SEPTIN11: variants seen among roughly 807,000 people sequenced by gnomAD.
SEPTIN11 encodes septin-11.
A neutral mutation model predicts 51.4 loss-of-function variants in SEPTIN11; 25 were observed. The observed-to-expected ratio is 0.49, with a 90% CI of 0.35 to 0.68. SEPTIN11 has a LOEUF of 0.68. SEPTIN11 is among the 30% of genes least tolerant of loss of function. SEPTIN11 has a pLI of 0.00. For missense variants in SEPTIN11, 381 were observed against 520.8 expected, an observed-to-expected ratio of 0.73 and a Z score of 2.61; for synonymous variants, 174 against 184.1, an observed-to-expected ratio of 0.95 and a Z score of 0.44.
At chr4:76,983,506 G>A (rs1722873253) in intron 1 of SEPTIN11, among the ~76,000 whole-genome samples, 1 of 152,194 alleles carries the variant, frequency 6.6e-6, no homozygotes, top group Non-Finnish European at 1.5e-5. Flanking sequence ...TTTCAGCCGT[G>A]TGATAACCCA....
At chr4:77,018,021 A>T (rs568908317) in intron 5 of SEPTIN11, among the ~76,000 whole-genome samples, 1 of 152,260 alleles carries the variant, frequency 6.6e-6, no homozygotes, top group Non-Finnish European at 1.5e-5. Context: ...TGTGAGACAC[A>T]CAAGTATTTT....
intron 9 of SEPTIN11, among the ~76,000 whole-genome samples, chr4:77,033,899 G>T (rs927756494): frequency 6.6e-6 from 1 of 152,118 alleles, no homozygotes; most frequent in Non-Finnish European, 1.5e-5. Context: ...CGTGGGTTTG[G>T]CATTACTTTG....
rs573334739 is a variant in SEPTIN11 at position 77,037,233 on chromosome 4, G to A, written c.*2721G>A. 6.4e-4 allele frequency: 347 copies of A among 545,862 alleles called. No individual in the cohort carries two copies. Among genetic ancestry groups the A allele is most frequent in the South Asian group, 3.6e-3 (46 of 12,692 alleles). 33.8% of individuals were successfully genotyped at this position (545,862 alleles called of 1,614,324 possible). Reference sequence around the variant, plus strand: ...AAAAATTAGCCAGGCGTGGTGGCACGTGCCTGTAGTCCCAGCTACTTGGGA... The same window carrying A: ...AAAAATTAGCCAGGCGTGGTGGCACATGCCTGTAGTCCCAGCTACTTGGGA... On this transcript the variant is annotated 3_prime_UTR_variant, in exon 10 of 10. Transcript: ENST00000264893.
At chr4:77,025,228 T>C (rs1726032738) in intron 7 of SEPTIN11, among the ~76,000 whole-genome samples, 1 of 152,096 alleles carries the variant, frequency 6.6e-6, no homozygotes, top group Non-Finnish European at 1.5e-5. Flanking sequence ...TTTGAAGAAC[T>C]AAAAGTTGCA....
chr4:77,036,870 T>G lies in SEPTIN11; in HGVS notation c.*2358T>G. ...CGGTAGTAAGAAACCTTTGAGATCT[T>G]TCTGACTTTTCAAAATTAGAGAAAG... On this transcript the variant is annotated 3_prime_UTR_variant, in exon 10 of 10. Coordinates refer to ENST00000264893, the MANE Select transcript of SEPTIN11 (RefSeq NM_018243.4). 3.7e-5 allele frequency: 53 copies of G among 1,418,264 alleles called. No homozygotes were observed. The highest frequency in any genetic ancestry group is 4.8e-5 in the Non-Finnish European group (52 of 1,093,846). The allele number at this position is 1,418,264 out of a possible 1,614,324, so 87.9% of individuals were successfully genotyped here.
chr4:77,007,794 G>A (rs1204165550), intron 3 of SEPTIN11, among the ~76,000 whole-genome samples: 1 of 152,174 alleles, frequency 6.6e-6, no homozygotes, highest in Admixed American at 6.5e-5. Flanking sequence ...AGAAGGTATT[G>A]TTGACACTGT....
At chr4:76,976,185 A>G (rs1435410279) in intron 1 of SEPTIN11, among the ~76,000 whole-genome samples, 1 of 152,184 alleles carries the variant, frequency 6.6e-6, no homozygotes. Flanking sequence ...ACTTGAGGAA[A>G]CAGTAAATAC....
rs575678405 is a variant in SEPTIN11 at position 77,038,313 on chromosome 4, T to C, written c.*3801T>C. 1 of 985,674 alleles carries C rather than the reference T, an allele frequency of 1.0e-6. No homozygotes were observed. Among genetic ancestry groups the C allele is most frequent in the Admixed American group, 6.1e-5 (1 of 16,292 alleles). The allele number at this position is 985,674 out of a possible 1,614,324, so 61.1% of individuals were successfully genotyped here. ...TGCCTTAAACTGTAGTTGTAGATCC[T>C]TGTCATTTTGCTGTTTGAAAATAAC... On this transcript the variant is annotated 3_prime_UTR_variant, in exon 10 of 10. Coordinates refer to ENST00000264893, the MANE Select transcript of SEPTIN11 (RefSeq NM_018243.4).
intron 1 of SEPTIN11, among the ~76,000 whole-genome samples, chr4:76,981,414 A>G (rs1394779583): frequency 1.3e-5 from 2 of 152,202 alleles, no homozygotes; most frequent in African/African-American, 4.8e-5. Context: ...TCTTCTATCA[A>G]TAGGAGAACT....
chr4:77,012,010 T>A, intron 4 of SEPTIN11, 89 bp downstream of exon 4: 1 of 993,636 alleles, frequency 1.0e-6, no homozygotes, highest in South Asian at 2.0e-5. Flanking sequence ...TTCAGTGTGA[T>A]TTTTTTTTTC....
chr4:77,011,793 T>C lies in SEPTIN11; in HGVS notation c.397T>C (p.Leu133=), dbSNP rs1172462794. Reference sequence around the variant, plus strand: ...GTTCGAGGCCTACCTGCAAGAGGAATTGAAGATTAAACGTTCTCTCTTCAA... The same window carrying C: ...GTTCGAGGCCTACCTGCAAGAGGAACTGAAGATTAAACGTTCTCTCTTCAA... ...AQFEAYLQEE[L]KIKRSLFNYH... Residue 133 remains leucine (L), a synonymous_variant, in exon 4 of 10, where the codon TTG becomes CTG. Coordinates refer to ENST00000264893, the MANE Select transcript of SEPTIN11 (RefSeq NM_018243.4). 2 of 1,614,144 alleles carry C rather than the reference T, an allele frequency of 1.2e-6. No homozygotes were observed. The highest frequency in any genetic ancestry group is 1.1e-5 in the South Asian group (1 of 91,084).
chr4:76,994,196 G>A (rs1723538265), intron 1 of SEPTIN11, among the ~76,000 whole-genome samples: 1 of 152,222 alleles, frequency 6.6e-6, no homozygotes, highest in South Asian at 2.1e-4. Flanking sequence ...GAAGGCTGGT[G>A]CCATGGCTTC....
In SEPTIN11 at chr4:77,021,466, TTTTC is replaced by T. The variant is rs549100557; in HGVS notation, c.953+804_953+807del. 126 of 152,616 alleles carry T rather than the reference TTTTC, an allele frequency of 8.3e-4. 1 individual carries two copies. The highest frequency in any genetic ancestry group is 2.9e-3 in the African/African-American group (122 of 41,508). The allele number at this position is 152,616 out of a possible 1,614,324, so 9.5% of individuals were successfully genotyped here. A position where few individuals can be genotyped will look rare whatever the true frequency, so the allele number is the denominator to read the frequency against. The stretch of plus-strand genomic sequence containing the variant: ...GATTGTCCAGATGGTGCCCAAGCAG[TTTTC>T]TTTCTTTTTTTTTGTTTGAGACGGA... On this transcript the variant is annotated intron_variant, in intron 7 of 9. Coordinates refer to ENST00000264893, the MANE Select transcript of SEPTIN11 (RefSeq NM_018243.4).
chr4:77,035,633 T>C lies in SEPTIN11; in HGVS notation c.*1121T>C, dbSNP rs1362578793. The C allele has an allele frequency of 5.1e-6, 5 of 985,484 alleles. No individual in the cohort carries two copies. The Admixed American group carries it at 3.1e-4, about 61-fold the overall frequency. 61.0% of individuals were successfully genotyped at this position (985,484 alleles called of 1,614,324 possible). A position where few individuals can be genotyped will look rare whatever the true frequency, so the allele number is the denominator to read the frequency against. On this transcript the variant is annotated 3_prime_UTR_variant, in exon 10 of 10. Coordinates refer to ENST00000264893, the MANE Select transcript of SEPTIN11 (RefSeq NM_018243.4). The stretch of plus-strand genomic sequence containing the variant: ...CCTTGCTTAGTCTCCTTTCAGTATT[T>C]GGCAATAAAAGAAAGAAGAAATAGA...
At chr4:76,985,299 A>G (rs887432338) in intron 1 of SEPTIN11, among the ~76,000 whole-genome samples, 13 of 152,234 alleles carry the variant, frequency 8.5e-5, no homozygotes, top group African/African-American at 3.1e-4. Context: ...TTCTGTCTCT[A>G]AGAAAAAAGT....
At chr4:76,975,616 T>C (rs894134801) in intron 1 of SEPTIN11, among the ~76,000 whole-genome samples, 3 of 152,242 alleles carry the variant, frequency 2.0e-5, no homozygotes, top group Non-Finnish European at 4.4e-5. Context: ...TCATCAGATC[T>C]GTATTTCATT....
At chr4:76,952,140 C>T (rs1471936859) in intron 1 of SEPTIN11, among the ~76,000 whole-genome samples, 1 of 152,168 alleles carries the variant, frequency 6.6e-6, no homozygotes, top group Non-Finnish European at 1.5e-5. Flanking sequence ...AGTGTGGTCT[C>T]TGCAGTTATG....
In SEPTIN11 at chr4:76,950,336, G is replaced by A. The variant is rs1721276023; in HGVS notation, c.27+406G>A. ...GCGCCGAGGGGGCGCTCAGGGCATG[G>A]GAATTGCGAGCTGAAGTGCTGCGTG... On this transcript the variant is annotated intron_variant, in intron 1 of 9. Coordinates refer to ENST00000264893, the MANE Select transcript of SEPTIN11 (RefSeq NM_018243.4). Among the ~76,000 whole-genome samples, 3 of 152,324 alleles carry A rather than the reference G, an allele frequency of 2.0e-5. No homozygotes were observed. The South Asian group carries it at 6.2e-4, about 32-fold the overall frequency.
chr4:76,971,420 T>C (rs1722234497), intron 1 of SEPTIN11, among the ~76,000 whole-genome samples: 1 of 152,092 alleles, frequency 6.6e-6, no homozygotes, highest in African/African-American at 2.4e-5. Context: ...CTGCTTTTTT[T>C]TATATTAATT....
Sources: gnomAD v4.1 joint callset for allele counts (sites outside exome capture counted in the v4.1 genomes callset) on GRCh38, gnomAD v4.1.1 for gene constraint, MANE v1.5 for transcripts, NCBI Gene and HGNC (gene_info 2026-07-23, HGNC 2026-07-21) for gene names.